The following RNMT variants were observed in gnomAD, a reference collection of about 807,000 sequenced individuals.
The protein encoded by RNMT is mRNA cap guanine-N(7) methyltransferase.
Under a neutral mutation model 56.0 loss-of-function variants are expected in RNMT, and 27 were observed. The observed-to-expected ratio is 0.48, with a 90% CI of 0.36 to 0.67. RNMT has a LOEUF of 0.67. Ranked by LOEUF, RNMT falls within the 30% of genes least tolerant of loss-of-function variation. RNMT has a pLI of 0.00. For synonymous variants in RNMT, 184 were observed against 176.2 expected (o/e 1.04, Z -0.35); for missense variants, 519 against 552.1 (o/e 0.94, Z 0.60).
At position 13,762,370 on chromosome 18, in the gene RNMT, C is replaced by A; in HGVS notation, c.*2391C>A. 1.8e-6 allele frequency: 1 copy of A among 553,186 alleles called. No individual in the cohort carries two copies. Among genetic ancestry groups the A allele is most frequent in the Non-Finnish European group, 3.2e-6 (1 of 313,374 alleles). The allele number at this position is 553,186 out of a possible 1,614,324, so 34.3% of individuals were successfully genotyped here. A position where few individuals can be genotyped will look rare whatever the true frequency, so the allele number is the denominator to read the frequency against. ...AGTTTTTAACCACTTCTGTGGGAGCCGTGTTCTAACCTGTGGAAAGTATTG... is the reference window on the plus strand; with the variant it reads ...AGTTTTTAACCACTTCTGTGGGAGCAGTGTTCTAACCTGTGGAAAGTATTG... On this transcript the variant is annotated 3_prime_UTR_variant, in exon 12 of 12. Transcript: ENST00000383314.
At position 13,726,696 on chromosome 18, in the gene RNMT, G is replaced by T. The variant is rs2043958390; in HGVS notation, c.-205G>T. On this transcript the variant is annotated 5_prime_UTR_variant, in exon 1 of 12. Transcript: ENST00000383314. ...GCAGACACGCGTGGCGCGGGCCGCCGTTTCCGCAAACAGAATCGCGTTTGG... is the reference window on the plus strand; with the variant it reads ...GCAGACACGCGTGGCGCGGGCCGCCTTTTCCGCAAACAGAATCGCGTTTGG... 6.6e-6 allele frequency: 1 copy of T among 152,290 alleles called. No individual in the cohort carries two copies. Among genetic ancestry groups the T allele is most frequent in the African/African-American group, 2.4e-5 (1 of 41,468 alleles). The allele number at this position is 152,290 out of a possible 1,614,324, so 9.4% of individuals were successfully genotyped here.
At chr18:13,740,840 A>G (rs1279059646) in intron 6 of RNMT, among the ~76,000 whole-genome samples, 1 of 152,176 alleles carries the variant, frequency 6.6e-6, no homozygotes, top group Non-Finnish European at 1.5e-5. Flanking sequence ...TTCGGTATGG[A>G]CATCATTTAT....
At chr18:13,758,755 A>G (rs1170196861) in intron 11 of RNMT, among the ~76,000 whole-genome samples, 1 of 152,134 alleles carries the variant, frequency 6.6e-6, no homozygotes, top group Non-Finnish European at 1.5e-5. Context: ...GGCTGATTTC[A>G]AGCCTAGCTT....
At chr18:13,757,860 C>T (rs1775037660) in intron 11 of RNMT, among the ~76,000 whole-genome samples, 1 of 152,170 alleles carries the variant, frequency 6.6e-6, no homozygotes, top group South Asian at 2.1e-4. Context: ...TATAGCCTTA[C>T]AAAATGTATT....
Position 13,737,116 on chromosome 18 carries a change from T to C in RNMT, c.660T>C (p.Ile220=). The change falls in exon 5 of 12, where the codon ATT becomes ATC. Residue 220 remains isoleucine, a synonymous_variant. Transcript: ENST00000383314. Reference sequence around the variant, plus strand: ...TGCTGAAATGGAAAAAAGGAAGAATTAACAAGCTAGTTTGTACTGGTAAGA... The same window carrying C: ...TGCTGAAATGGAAAAAAGGAAGAATCAACAAGCTAGTTTGTACTGGTAAGA... The part of the protein sequence containing the change: ...GDLLKWKKGR[I]NKLVCTDIAD... 1.2e-6 allele frequency: 2 copies of C among 1,610,198 alleles called. No individual in the cohort carries two copies. The highest frequency in any genetic ancestry group is 1.7e-6 in the Non-Finnish European group (2 of 1,176,890).
intron 5 of RNMT, 34 bp from the exon 6 acceptor site, chr18:13,740,133 G>A: frequency 7.8e-7 from 1 of 1,281,316 alleles, no homozygotes; most frequent in Admixed American, 1.7e-5. Context: ...GGCATTCTGT[G>A]TTGATACTTA....
At chr18:13,740,749 A>G (rs932847231) in intron 6 of RNMT, among the ~76,000 whole-genome samples, 43 of 152,242 alleles carry the variant, frequency 2.8e-4, no homozygotes, top group Admixed American at 2.6e-3. Context: ...AAATTCTATT[A>G]TGATAAATTC....
chr18:13,745,130 G>A (rs1296539162), intron 8 of RNMT, among the ~76,000 whole-genome samples: 5 of 152,162 alleles, frequency 3.3e-5, no homozygotes, highest in Admixed American at 3.3e-4. Context: ...GATTTATATC[G>A]GGGGCTGTCC....
chr18:13,759,581 T>C (rs1362418915), intron 11 of RNMT, among the ~76,000 whole-genome samples: 2 of 151,956 alleles, frequency 1.3e-5, no homozygotes, highest in African/African-American at 4.8e-5. Flanking sequence ...TAGTTTTCTT[T>C]GTTATACTTA....
rs1328365105 is a variant in RNMT at position 13,761,725 on chromosome 18, T to C, written c.*1746T>C. The C allele has an allele frequency of 4.4e-6, 5 of 1,140,704 alleles. No individual in the cohort carries two copies. The highest frequency in any genetic ancestry group is 5.4e-6 in the Non-Finnish European group (5 of 924,908). 70.7% of individuals were successfully genotyped at this position (1,140,704 alleles called of 1,614,324 possible). A position where few individuals can be genotyped will look rare whatever the true frequency, so the allele number is the denominator to read the frequency against. On this transcript the variant is annotated 3_prime_UTR_variant, in exon 12 of 12. Transcript: ENST00000383314. ...GATGCTCTGGGGACTGAGCCCACTG[T>C]TGTTGGTGTCAGGGAGGCTTACTGG...
chr18:13,732,068 A>G lies in RNMT; in HGVS notation c.417+134A>G, dbSNP rs1267717424. ...TTTTAATAGATATGGTCCTAAGACAAAGTAGGCTTTTAACTCTTATGATTT... is the reference window on the plus strand; with the variant it reads ...TTTTAATAGATATGGTCCTAAGACAGAGTAGGCTTTTAACTCTTATGATTT... On this transcript the variant is annotated intron_variant, in intron 3 of 11. Transcript: ENST00000383314. 6 of 594,356 alleles carry G rather than the reference A, an allele frequency of 1.0e-5. No individual in the cohort carries two copies. The African/African-American group carries it at 1.1e-4, about 11-fold the overall frequency. 36.8% of individuals were successfully genotyped at this position (594,356 alleles called of 1,614,324 possible).
At chr18:13,734,980 A>C (rs749456074) in intron 4 of RNMT, among the ~76,000 whole-genome samples, 6 of 152,198 alleles carry the variant, frequency 3.9e-5, no homozygotes, top group Non-Finnish European at 8.8e-5. Flanking sequence ...CATTGAGGAT[A>C]GATAAAAACA....
chr18:13,749,692 A>G (rs9955741), intron 9 of RNMT, among the ~76,000 whole-genome samples: 135,348 of 152,210 alleles, frequency 0.89, 60,256 homozygotes, highest in East Asian at 0.98. Flanking sequence ...GTAATTTATT[A>G]TGTTTTGATT....
rs2044606846 is a variant in RNMT at position 13,760,544 on chromosome 18, A to T, written c.*565A>T. 7 of 985,692 alleles carry T rather than the reference A, an allele frequency of 7.1e-6. No homozygotes were observed. The South Asian group carries it at 2.8e-4, about 40-fold the overall frequency. The allele number at this position is 985,692 out of a possible 1,614,324, so 61.1% of individuals were successfully genotyped here. On this transcript the variant is annotated 3_prime_UTR_variant, in exon 12 of 12. Coordinates refer to ENST00000383314, the MANE Select transcript of RNMT (RefSeq NM_003799.3). The stretch of plus-strand genomic sequence containing the variant: ...ATTTTAGCAATTTATTGCATTTTGA[A>T]ATAATCATTAACATGCTGCAATTCA...
intron 9 of RNMT, among the ~76,000 whole-genome samples, chr18:13,749,395 A>G (rs2044403965): frequency 6.6e-6 from 1 of 152,226 alleles, no homozygotes; most frequent in Non-Finnish European, 1.5e-5. Context: ...GTTTATGCTA[A>G]TGATACAGCA....
chr18:13,751,369 CTCA>C lies in RNMT; in HGVS notation c.1258-950_1258-948del, dbSNP rs1254899476. Among the ~76,000 whole-genome samples, 12 of 152,308 alleles carry C rather than the reference CTCA, an allele frequency of 7.9e-5. No individual in the cohort carries two copies. In the East Asian group the frequency reaches 2.3e-3, roughly 29 times the overall value. On this transcript the variant is annotated intron_variant, in intron 9 of 11. Transcript: ENST00000383314. ...GCAGCCAACAGACACAGAGGAAATG[CTCA>C]TCATCACTGGTCATCAGAGAAATGC... is the stretch of plus-strand genomic sequence containing the variant.
At position 13,760,347 on chromosome 18, in the gene RNMT, A is replaced by G. The variant is rs910375730; in HGVS notation, c.*368A>G. 1.7e-5 allele frequency: 17 copies of G among 1,009,110 alleles called. No homozygotes were observed. The highest frequency in any genetic ancestry group is 2.0e-5 in the Non-Finnish European group (17 of 844,808). The allele number at this position is 1,009,110 out of a possible 1,614,324, so 62.5% of individuals were successfully genotyped here. ...TTACAGTATTCAATTTATTGCAGTT[A>G]TAGAATTGGTCAGAGAGCATTTTCA... is the stretch of plus-strand genomic sequence containing the variant. On this transcript the variant is annotated 3_prime_UTR_variant, in exon 12 of 12. Coordinates refer to ENST00000383314, the MANE Select transcript of RNMT (RefSeq NM_003799.3).
In RNMT at chr18:13,731,571, A is replaced by T; in HGVS notation, c.54A>T (p.Ala18=). The change falls in exon 3 of 12, where the codon GCA becomes GCT. Residue 18 remains alanine, a synonymous_variant. Coordinates refer to ENST00000383314, the MANE Select transcript of RNMT (RefSeq NM_003799.3). ...ATGAAAAGATGTCTCTTGAACAGGC[A>T]AAAGCGTCAGTGAATTCTGAAACAG... The part of the protein sequence containing the change: ...EEYEKMSLEQ[A]KASVNSETES... 1 of 1,612,576 alleles carries T rather than the reference A, an allele frequency of 6.2e-7. No homozygotes were observed. Among genetic ancestry groups the T allele is most frequent in the Non-Finnish European group, 8.5e-7 (1 of 1,179,610 alleles).
chr18:13,761,437 G>A lies in RNMT; in HGVS notation c.*1458G>A, dbSNP rs2044617584. 2.0e-6 allele frequency: 2 copies of A among 985,658 alleles called. No individual in the cohort carries two copies. Among genetic ancestry groups the A allele is most frequent in the Non-Finnish European group, 2.4e-6 (2 of 830,212 alleles). 61.1% of individuals were successfully genotyped at this position (985,658 alleles called of 1,614,324 possible). Reference sequence around the variant, plus strand: ...TTTCATTCTAGGGCAGTGCCAGGAAGTATATTGATAGCTTTGTAGGTACAG... The same window carrying A: ...TTTCATTCTAGGGCAGTGCCAGGAAATATATTGATAGCTTTGTAGGTACAG... On this transcript the variant is annotated 3_prime_UTR_variant, in exon 12 of 12. Transcript: ENST00000383314.
Sources: gnomAD v4.1 joint callset for allele counts (sites outside exome capture counted in the v4.1 genomes callset) on GRCh38, gnomAD v4.1.1 for gene constraint, MANE v1.5 for transcripts, NCBI Gene and HGNC (gene_info 2026-07-23, HGNC 2026-07-21) for gene names.